Variants in FRMPD1 observed in about 807,000 individuals in gnomAD.
The protein encoded by FRMPD1 is FERM and PDZ domain-containing protein 1.
FRMPD1 carries 76 observed loss-of-function variants against 117.8 expected under a neutral mutation model. The ratio of observed to expected loss-of-function variants is 0.65; its 90% CI spans 0.54 to 0.78. The LOEUF (loss-of-function observed/expected upper bound fraction) is 0.78, where lower values mean the gene tolerates loss of function less well. FRMPD1 is among the 30% of genes least tolerant of loss of function. The pLI, the probability that FRMPD1 is intolerant of heterozygous loss-of-function variation, is 0.00. For missense variants in FRMPD1, 1,786 were observed against 1,964.5 expected, an observed-to-expected ratio of 0.91 and a Z score of 1.72; for synonymous variants, 783 against 770.4, an observed-to-expected ratio of 1.02 and a Z score of -0.27.
rs530040673 is a variant in FRMPD1, at chr9:37,739,150, C to T, written c.1550-928C>T. On this transcript the variant is annotated intron_variant, in intron 14 of 15. Transcript: ENST00000377765. ...CCATCCTGTCGTGGGTACTAGACTG[C>T]AGAGGAGGGTTCAGGGCCATCCTGG... 3.9e-5 allele frequency among the ~76,000 whole-genome samples: 6 copies of T among 152,198 alleles called. No individual in the cohort carries two copies. The South Asian group carries it at 1.2e-3, about 32-fold the overall frequency.
the FRMPD1 span, among the ~76,000 whole-genome samples, chr9:37,629,208 A>G: frequency 1.3e-5 from 2 of 152,124 alleles, no homozygotes; most frequent in African/African-American, 4.8e-5. Context: ...CCAAAAAAAA[A>G]AGAAATTCTA....
chr9:37,685,512 C>T (rs990965069), intron 1 of FRMPD1, among the ~76,000 whole-genome samples: 11 of 151,862 alleles, frequency 7.2e-5, no homozygotes, highest in Admixed American at 1.3e-4. Flanking sequence ...TTTAGCCGGG[C>T]GTGGTGGCGG....
the FRMPD1 span, among the ~76,000 whole-genome samples, chr9:37,619,784 C>CA: frequency 6.6e-6 from 1 of 150,394 alleles, no homozygotes; most frequent in African/African-American, 2.4e-5. Flanking sequence ...GAAATTGAAT[C>CA]GAAAAAGGTT....
At chr9:37,738,832 C>T (rs1824251440) in intron 14 of FRMPD1, among the ~76,000 whole-genome samples, 1 of 152,054 alleles carries the variant, frequency 6.6e-6, no homozygotes, top group Non-Finnish European at 1.5e-5. Flanking sequence ...TGGAGTTAAC[C>T]AGGCACGGAA....
At chr9:37,721,296 A>G (rs1232454809) in intron 6 of FRMPD1, among the ~76,000 whole-genome samples, 1 of 152,212 alleles carries the variant, frequency 6.6e-6, no homozygotes, top group Non-Finnish European at 1.5e-5. Context: ...CATCCTTTCA[A>G]GTGTTTCAAA....
intron 1 of FRMPD1, among the ~76,000 whole-genome samples, chr9:37,659,404 C>G (rs1820931302): frequency 6.6e-6 from 1 of 152,164 alleles, no homozygotes. Flanking sequence ...GTGGGGCCCT[C>G]AGGGATTAGG....
the FRMPD1 span, among the ~76,000 whole-genome samples, chr9:37,623,684 G>A: frequency 6.6e-6 from 1 of 152,054 alleles, no homozygotes; most frequent in African/African-American, 2.4e-5. Flanking sequence ...CTGCAGAAAT[G>A]ATATGATTAG....
At chr9:37,738,905 A>C (rs892075643) in intron 14 of FRMPD1, among the ~76,000 whole-genome samples, 1 of 152,150 alleles carries the variant, frequency 6.6e-6, no homozygotes, top group Non-Finnish European at 1.5e-5. Flanking sequence ...AAAGGCCATG[A>C]CCTGAAAGGA....
rs140480412 is a variant in FRMPD1 at position 37,708,344 on chromosome 9, A to C, written c.260-55A>C. 491 of 1,079,474 alleles carry C rather than the reference A, an allele frequency of 4.5e-4. 2 individuals carry two copies. Among genetic ancestry groups the C allele is most frequent in the Non-Finnish European group, 6.7e-4 (469 of 700,228 alleles). The allele number at this position is 1,079,474 out of a possible 1,614,324, so 66.9% of individuals were successfully genotyped here. A position where few individuals can be genotyped will look rare whatever the true frequency, so the allele number is the denominator to read the frequency against. ...CCATTTAACTGTGCCGCTATTACAC[A>C]TAGAGTCTGGGTCCTCCCGGCATGA... On this transcript the variant is annotated intron_variant, in intron 3 of 15. Transcript: ENST00000377765.
At chr9:37,652,889 A>G (rs558717495) in intron 1 of FRMPD1, among the ~76,000 whole-genome samples, 30 of 152,334 alleles carry the variant, frequency 2.0e-4, no homozygotes, top group African/African-American at 7.0e-4. Context: ...GTGAACACTA[A>G]GGAGGGTGAA....
At chr9:37,723,632 C>T (rs550174407) in intron 6 of FRMPD1, among the ~76,000 whole-genome samples, 9 of 152,250 alleles carry the variant, frequency 5.9e-5, no homozygotes, top group Admixed American at 2.6e-4. Flanking sequence ...CCAAGTCAGG[C>T]GGATCACTTG....
intron 2 of FRMPD1, among the ~76,000 whole-genome samples, chr9:37,697,421 G>A (rs1205583113): frequency 6.6e-6 from 1 of 151,276 alleles, no homozygotes; most frequent in Non-Finnish European, 1.5e-5. Flanking sequence ...AAAAAAATTA[G>A]CCGGGCGTGG....
At chr9:37,635,519 C>A in the FRMPD1 span, among the ~76,000 whole-genome samples, 3 of 152,170 alleles carry the variant, frequency 2.0e-5, no homozygotes, top group Non-Finnish European at 2.9e-5. Context: ...CATCTTTCCC[C>A]AAGTGGCTTT....
At chr9:37,707,607 G>T in intron 3 of FRMPD1, 34 bp downstream of exon 3, 1 of 1,572,668 alleles carries the variant, frequency 6.4e-7, no homozygotes, top group South Asian at 1.1e-5. Context: ...AAAGGAGTTT[G>T]GTTTCTTAAG....
chr9:37,612,254 T>TTCA, the FRMPD1 span, among the ~76,000 whole-genome samples: 1 of 152,260 alleles, frequency 6.6e-6, no homozygotes, highest in Non-Finnish European at 1.5e-5. Context: ...TCTGTGGGAG[T>TTCA]TCAGAACACT....
Position 37,746,832 on chromosome 9 carries a change from C to T in FRMPD1, c.*63C>T, listed in dbSNP as rs535775866. The T allele has an allele frequency of 5.4e-5, 58 of 1,079,512 alleles. No homozygotes were observed. The Middle Eastern group carries it at 1.1e-3, about 20-fold the overall frequency. 66.9% of individuals were successfully genotyped at this position (1,079,512 alleles called of 1,614,324 possible). ...CCTTGGACACTTCCCTGAGAAGCCC[C>T]TTCCACTCTCCCACCCACCCTCTTC... On this transcript the variant is annotated 3_prime_UTR_variant, in exon 16 of 16. Coordinates refer to ENST00000377765, the MANE Select transcript of FRMPD1 (RefSeq NM_014907.3).
Position 37,732,284 on chromosome 9 carries a change from C to T in FRMPD1, c.859-20C>T. The T allele has an allele frequency of 6.2e-7, 1 of 1,611,894 alleles. No homozygotes were observed. Among genetic ancestry groups the T allele is most frequent in the Non-Finnish European group, 8.5e-7 (1 of 1,179,664 alleles). ...TATGTCTGCTTTTGTTTCCCATCTG[C>T]TCTATTTAATCTCTTCTAGAGCTGC... On this transcript the variant is annotated intron_variant, in intron 9 of 15. Coordinates refer to ENST00000377765, the MANE Select transcript of FRMPD1 (RefSeq NM_014907.3).
chr9:37,693,491 T>G lies in FRMPD1; in HGVS notation c.101+749T>G, dbSNP rs147497032. Among the ~76,000 whole-genome samples, 624 of 152,350 alleles carry G rather than the reference T, an allele frequency of 4.1e-3. 4 individuals are homozygous for G. Among genetic ancestry groups the G allele is most frequent in the Middle Eastern group, 0.014 (4 of 294 alleles). ...TAATAAACTTTGCTCAGGGCTCCAC[T>G]GCCCTGTGGCCAAGTTCTCTGATCC... On this transcript the variant is annotated intron_variant, in intron 2 of 15. Coordinates refer to ENST00000377765, the MANE Select transcript of FRMPD1 (RefSeq NM_014907.3).
At chr9:37,682,787 C>A (rs953196577) in intron 1 of FRMPD1, among the ~76,000 whole-genome samples, 1 of 152,166 alleles carries the variant, frequency 6.6e-6, no homozygotes, top group Non-Finnish European at 1.5e-5. Context: ...AGATTCCTTA[C>A]AGAGTTGGGG....
Sources: gnomAD v4.1 joint callset for allele counts (sites outside exome capture counted in the v4.1 genomes callset) on GRCh38, gnomAD v4.1.1 for gene constraint, MANE v1.5 for transcripts, NCBI Gene and HGNC (gene_info 2026-07-23, HGNC 2026-07-21) for gene names.